MYOF: variants seen among roughly 807,000 people sequenced by gnomAD.
The protein encoded by MYOF is myoferlin, also known as fer-1-like 3, myoferlin.
A neutral mutation model predicts 284.2 loss-of-function variants in MYOF; 244 were observed. The observed-to-expected ratio is 0.86, with a 90% CI of 0.77 to 0.95. The LOEUF (loss-of-function observed/expected upper bound fraction) is 0.95, where lower values mean the gene tolerates loss of function less well. Ranked by LOEUF, MYOF falls within the 40% of genes least tolerant of loss-of-function variation. MYOF has a pLI of 0.00. For synonymous variants in MYOF, 904 were observed against 919.7 expected, an observed-to-expected ratio of 0.98 and a Z score of 0.31; for missense variants, 2,496 against 2,560.6, an observed-to-expected ratio of 0.97 and a Z score of 0.54.
chr10:93,374,614 C>A (rs1449406895), intron 23 of MYOF, 149 bp downstream of exon 23: 7 of 720,388 alleles, frequency 9.7e-6, no homozygotes, highest in Middle Eastern at 4.0e-4. Context: ...ATCCTCAGCC[C>A]AGTTACTCCC....
chr10:93,460,264 G>A (rs1226296659), intron 1 of MYOF, among the ~76,000 whole-genome samples: 5 of 152,224 alleles, frequency 3.3e-5, no homozygotes, highest in Non-Finnish European at 7.3e-5. Context: ...GAACACGGAA[G>A]ACACGCTGCA....
intron 18 of MYOF, among the ~76,000 whole-genome samples, chr10:93,388,559 C>T (rs965755807): frequency 6.6e-6 from 1 of 152,202 alleles, no homozygotes; most frequent in Admixed American, 6.5e-5. Flanking sequence ...CTTTTTCTCT[C>T]TAGCTTGGTC....
intron 13 of MYOF, 38 bp from the exon 14 acceptor site, chr10:93,397,494 T>C: frequency 6.6e-7 from 1 of 1,504,650 alleles, no homozygotes. Context: ...GGTTTTCAAG[T>C]TTCTAATTTC....
rs1393025939 is a variant in MYOF, at chr10:93,408,817, G to C, written c.699C>G (p.Ile233Met). 1 of 1,614,006 alleles carries C rather than the reference G, an allele frequency of 6.2e-7. No individual in the cohort carries two copies. Among genetic ancestry groups the C allele is most frequent in the African/African-American group, 1.3e-5 (1 of 74,892 alleles). ...HVCGQTHRTR[I>M]KRGNNPFFDE... ...CAAAAAAAGGGTTGTTTCCTCTCTT[G>C]ATTCTTGTTCGGTGTGTCTGGCCAC... Residue 233 changes from isoleucine to methionine, a missense_variant, in exon 7 of 54, where the codon ATC becomes ATG. Ile to Met is a conservative substitution (Grantham distance 10). Transcript: ENST00000359263.
intron 23 of MYOF, 140 bp from the exon 24 acceptor site, chr10:93,373,225 T>G (rs572243774): frequency 1.5e-5 from 15 of 980,008 alleles, no homozygotes; most frequent in Non-Finnish European, 2.1e-5. Flanking sequence ...CTCAAATTCC[T>G]GAGCTCCCAT....
At chr10:93,334,058 C>T (rs1009658245) in intron 41 of MYOF, 145 bp from the exon 42 acceptor site, 9 of 738,402 alleles carry the variant, frequency 1.2e-5, no homozygotes, top group South Asian at 8.6e-5. Flanking sequence ...TTGCACTTTG[C>T]ATATTTCCAG....
intron 1 of MYOF, among the ~76,000 whole-genome samples, chr10:93,464,886 C>T (rs1398809079): frequency 6.6e-6 from 1 of 152,212 alleles, no homozygotes; most frequent in African/African-American, 2.4e-5. Context: ...TTCAGAAGTA[C>T]TTCTTCCCCT....
intron 43 of MYOF, among the ~76,000 whole-genome samples, chr10:93,332,729 C>T (rs1179906283): frequency 7.9e-5 from 12 of 151,910 alleles, no homozygotes; most frequent in Admixed American, 5.2e-4. Flanking sequence ...TGCCTGTAGT[C>T]CCAGCTACTC....
intron 1 of MYOF, among the ~76,000 whole-genome samples, chr10:93,465,533 C>CTT (rs753278804): frequency 3.0e-4 from 16 of 53,220 alleles, no homozygotes; most frequent in African/African-American, 8.0e-4. Context: ...TCTTTTTTTT[C>CTT]TTTTCTTTTT....
intron 19 of MYOF, among the ~76,000 whole-genome samples, chr10:93,383,733 G>A: frequency 6.6e-6 from 1 of 151,986 alleles, no homozygotes; most frequent in Non-Finnish European, 1.5e-5. Flanking sequence ...GCTAAAAATA[G>A]GAAACATAAT....
intron 5 of MYOF, among the ~76,000 whole-genome samples, chr10:93,420,835 A>G (rs1346212514): frequency 6.6e-6 from 1 of 152,234 alleles, no homozygotes; most frequent in Non-Finnish European, 1.5e-5. Context: ...AAACAAGCTC[A>G]AATTTTAAGA....
chr10:93,323,005 C>T (rs1842901858), intron 48 of MYOF, 73 bp downstream of exon 48: 5 of 1,382,524 alleles, frequency 3.6e-6, no homozygotes, highest in Non-Finnish European at 4.1e-6. Context: ...TGGGCATATT[C>T]AGTAATGAAA....
intron 13 of MYOF, among the ~76,000 whole-genome samples, chr10:93,398,488 G>C (rs1050756804): frequency 6.6e-6 from 1 of 152,200 alleles, no homozygotes; most frequent in East Asian, 1.9e-4. Flanking sequence ...ACATGGGACA[G>C]AATCTGGTAC....
At chr10:93,456,842 C>A (rs897206857) in intron 2 of MYOF, 40 bp downstream of exon 2, 2 of 1,447,108 alleles carry the variant, frequency 1.4e-6, no homozygotes, top group Admixed American at 3.7e-5. Context: ...TCAGAAATAG[C>A]TTATCTATTA....
At chr10:93,373,562 G>A (rs1209777869) in intron 23 of MYOF, among the ~76,000 whole-genome samples, 1 of 150,892 alleles carries the variant, frequency 6.6e-6, no homozygotes, top group Non-Finnish European at 1.5e-5. Context: ...TCCAGAGCTG[G>A]ATATGCAAAT....
intron 3 of MYOF, among the ~76,000 whole-genome samples, chr10:93,444,713 G>A (rs1402653490): frequency 2.0e-5 from 3 of 152,224 alleles, no homozygotes; most frequent in Non-Finnish European, 2.9e-5. Flanking sequence ...AAAACTCTAC[G>A]CAGTACCTCT....
intron 17 of MYOF, among the ~76,000 whole-genome samples, chr10:93,391,539 G>A (rs777242924): frequency 2.0e-5 from 3 of 151,518 alleles, no homozygotes; most frequent in South Asian, 2.1e-4. Flanking sequence ...AGGTTGCAGC[G>A]AACCAAGATC....
At chr10:93,385,503 C>A (rs1846320978) in intron 19 of MYOF, among the ~76,000 whole-genome samples, 1 of 152,216 alleles carries the variant, frequency 6.6e-6, no homozygotes, top group Non-Finnish European at 1.5e-5. Flanking sequence ...CTTTGCAAGA[C>A]AGACAAGGGT....
intron 21 of MYOF, among the ~76,000 whole-genome samples, chr10:93,379,177 C>T (rs905520681): frequency 6.6e-6 from 1 of 152,076 alleles, no homozygotes; most frequent in African/African-American, 2.4e-5. Context: ...AAAGAAGTTC[C>T]TCTAGTCTGC....
Sources: gnomAD v4.1 joint callset for allele counts (sites outside exome capture counted in the v4.1 genomes callset) on GRCh38, gnomAD v4.1.1 for gene constraint, MANE v1.5 for transcripts, NCBI Gene and HGNC (gene_info 2026-07-23, HGNC 2026-07-21) for gene names.